The following EPM2A variants were observed in gnomAD, a reference collection of about 807,000 sequenced individuals.
The protein encoded by EPM2A is EPM2A glucan phosphatase, laforin.
A neutral mutation model predicts 26.5 loss-of-function variants in EPM2A; 21 were observed. The observed-to-expected ratio is 0.79, with a 90% CI of 0.56 to 1.14. The LOEUF (loss-of-function observed/expected upper bound fraction) is 1.14. EPM2A is among the 50% of genes most tolerant of loss of function. The probability of loss-of-function intolerance (pLI) is 0.00; values close to 1 mark genes in which losing one functional copy is unlikely to be tolerated. For synonymous variants in EPM2A, 217 were observed against 177.6 expected, an observed-to-expected ratio of 1.22 and a Z score of -1.76; for missense variants, 458 against 440.8, an observed-to-expected ratio of 1.04 and a Z score of -0.35.
At chr6:145,714,296 A>T (rs1775496073) in intron 1 of EPM2A, among the ~76,000 whole-genome samples, 1 of 152,204 alleles carries the variant, frequency 6.6e-6, no homozygotes, top group Non-Finnish European at 1.5e-5. Context: ...ACATACACAC[A>T]TCCTCCTGTA....
intron 4 of EPM2A, among the ~76,000 whole-genome samples, chr6:145,406,376 G>A (rs1430616043): frequency 6.6e-6 from 1 of 152,094 alleles, no homozygotes; most frequent in Non-Finnish European, 1.5e-5. Flanking sequence ...TAGATCTATA[G>A]TTCAGATGGC....
chr6:145,528,121 T>C (rs1780304034), intron 2 of EPM2A, among the ~76,000 whole-genome samples: 1 of 152,132 alleles, frequency 6.6e-6, no homozygotes, highest in African/African-American at 2.4e-5. Flanking sequence ...AAAAAATGTT[T>C]GAAGCTAGCA....
At chr6:145,695,359 A>T (rs892702233) in intron 1 of EPM2A, among the ~76,000 whole-genome samples, 17 of 152,074 alleles carry the variant, frequency 1.1e-4, no homozygotes, top group Non-Finnish European at 2.1e-4. Context: ...CAAACCACAA[A>T]GAAAGACAAC....
rs367889949 is a variant in EPM2A, at chr6:145,664,965, C to T, written c.476+21157G>A. The stretch of plus-strand genomic sequence containing the variant: ...AAATAAAGATGTTCTTTGAAACCAA[C>T]GAGAACAAAGACACAACATACCAGA... On this transcript the variant is annotated intron_variant, in intron 2 of 3. Coordinates refer to ENST00000367519, the MANE Select transcript of EPM2A (RefSeq NM_005670.4). Among the ~76,000 whole-genome samples the T allele has an allele frequency of 3.1e-3, 390 of 125,278 alleles. 10 individuals carry two copies. The East Asian group carries it at 0.06, about 19-fold the overall frequency. 82.2% of individuals were successfully genotyped at this position (125,278 alleles called of 152,430 possible).
At chr6:145,444,020 T>A (rs775272624) in intron 4 of EPM2A, among the ~76,000 whole-genome samples, 5 of 152,232 alleles carry the variant, frequency 3.3e-5, no homozygotes, top group Admixed American at 1.3e-4. Flanking sequence ...GTTTTGGATA[T>A]GCCTTTATCA....
chr6:145,422,076 T>TATAGAGAG (rs368615331), intron 4 of EPM2A, among the ~76,000 whole-genome samples: 15 of 138,662 alleles, frequency 1.1e-4, no homozygotes, highest in African/African-American at 4.0e-4. Flanking sequence ...TATATATATA[T>TATAGAGAG]AGAGAGAGAG....
chr6:145,491,791 G>A, intron 4 of EPM2A: 1 of 533,398 alleles, frequency 1.9e-6, no homozygotes, highest in Non-Finnish European at 3.9e-6. Context: ...ATACATCATT[G>A]GCTTCTTCTT....
chr6:145,662,686 C>G (rs1343886196), intron 2 of EPM2A, among the ~76,000 whole-genome samples: 1 of 152,128 alleles, frequency 6.6e-6, no homozygotes, highest in Non-Finnish European at 1.5e-5. Flanking sequence ...TCTGGCTAAA[C>G]CTATCCACAG....
intron 2 of EPM2A, among the ~76,000 whole-genome samples, chr6:145,506,460 T>G (rs1437976052): frequency 6.6e-6 from 1 of 151,916 alleles, no homozygotes; most frequent in South Asian, 2.1e-4. Flanking sequence ...ATAAAACACC[T>G]AAAAGTCTAA....
chr6:145,686,720 G>A (rs1487949179), intron 1 of EPM2A: 1 of 172,454 alleles, frequency 5.8e-6, no homozygotes. Flanking sequence ...TGTAGTATCA[G>A]CTCAACAAAA....
At chr6:145,391,840 G>A (rs1044612785) in intron 4 of EPM2A, among the ~76,000 whole-genome samples, 8 of 152,066 alleles carry the variant, frequency 5.3e-5, no homozygotes, top group Non-Finnish European at 1.0e-4. Flanking sequence ...GAAGATCTTG[G>A]AGACTTTATT....
intron 4 of EPM2A, chr6:145,492,030 G>A (rs554316898): frequency 1.4e-5 from 5 of 347,408 alleles, no homozygotes; most frequent in Non-Finnish European, 2.2e-5. Flanking sequence ...TCAGTCAGTC[G>A]AGGATCATCT....
intron 2 of EPM2A, among the ~76,000 whole-genome samples, chr6:145,541,267 ATG>A (rs1780506087): frequency 1.3e-5 from 2 of 150,546 alleles, no homozygotes; most frequent in East Asian, 1.9e-4. Flanking sequence ...ATAATTATAT[ATG>A]TGTGTGTATA....
intron 4 of EPM2A, among the ~76,000 whole-genome samples, chr6:145,443,439 C>A (rs1488493887): frequency 6.6e-6 from 1 of 152,054 alleles, no homozygotes; most frequent in Non-Finnish European, 1.5e-5. Flanking sequence ...TTATAGAGAT[C>A]TTTCATCTCT....
intron 1 of EPM2A, among the ~76,000 whole-genome samples, chr6:145,715,650 G>C (rs907516742): frequency 6.6e-6 from 1 of 152,072 alleles, no homozygotes; most frequent in African/African-American, 2.4e-5. Context: ...CTCACATTAC[G>C]GGGTGAACTC....
chr6:145,514,914 C>T (rs752091983), intron 2 of EPM2A, among the ~76,000 whole-genome samples: 2 of 152,200 alleles, frequency 1.3e-5, no homozygotes, highest in Non-Finnish European at 2.9e-5. Flanking sequence ...CTACCTATGT[C>T]ACCTAGGTTG....
At chr6:145,422,369 T>A (rs1397434486) in intron 4 of EPM2A, among the ~76,000 whole-genome samples, 1 of 149,828 alleles carries the variant, frequency 6.7e-6, no homozygotes, top group African/African-American at 2.4e-5. Flanking sequence ...AGTCCCAGTT[T>A]TGTACTTTTC....
chr6:145,389,187 C>A (rs1778304533), intron 4 of EPM2A, among the ~76,000 whole-genome samples: 1 of 151,514 alleles, frequency 6.6e-6, no homozygotes, highest in African/African-American at 2.4e-5. Context: ...TTTTTCAAAG[C>A]ATTCATCATC....
intron 4 of EPM2A, among the ~76,000 whole-genome samples, chr6:145,469,050 T>G (rs1355180079): frequency 6.6e-6 from 1 of 152,208 alleles, no homozygotes; most frequent in African/African-American, 2.4e-5. Flanking sequence ...GAGTAATTTA[T>G]AAAAGAAAGA....
Sources: gnomAD v4.1 joint callset for allele counts (sites outside exome capture counted in the v4.1 genomes callset) on GRCh38, gnomAD v4.1.1 for gene constraint, MANE v1.5 for transcripts, NCBI Gene and HGNC (gene_info 2026-07-23, HGNC 2026-07-21) for gene names.